Variants in GCNA observed in about 807,000 individuals in gnomAD.
GCNA encodes germ cell nuclear acidic protein.
GCNA carries 3 observed loss-of-function variants against 38.8 expected under a neutral mutation model. The observed-to-expected ratio is 0.08, with a 90% confidence interval of 0.04 to 0.20. The LOEUF (loss-of-function observed/expected upper bound fraction) is 0.20, where lower values mean the gene tolerates loss of function less well. Among genes scored for constraint, GCNA ranks in the 10% least tolerant of loss-of-function variants. The probability of loss-of-function intolerance (pLI) is 1.00; values close to 1 mark genes in which losing one functional copy is unlikely to be tolerated. For synonymous variants in GCNA, 195 were observed against 240.2 expected (o/e 0.81, Z 1.74); for missense variants, 446 against 578.6 (o/e 0.77, Z 2.35).
At chrX:71,583,352 C>T (rs2040560378) in intron 2 of GCNA, among the ~76,000 whole-genome samples, 1 of 110,620 alleles carries the variant, frequency 9.0e-6, no homozygotes, top group South Asian at 3.8e-4. Context: ...TGGGGTGGCT[C>T]ACGCCTGTAA....
chrX:71,580,737 G>A, intron 1 of GCNA, 83 bp from the exon 2 acceptor site: 2 of 942,602 alleles, frequency 2.1e-6, no homozygotes, highest in Non-Finnish European at 3.0e-6. Flanking sequence ...GCCTCCCAAA[G>A]TGCTGGGATT....
chrX:71,594,503 G>A (rs750862885), intron 5 of GCNA, 126 bp downstream of exon 5: 15 of 524,223 alleles, frequency 2.9e-5, no homozygotes, highest in East Asian at 2.2e-4. Context: ...TCTTTAGGTC[G>A]GTGAAATGAA....
chrX:71,579,106 C>T (rs1484469427), intron 1 of GCNA, among the ~76,000 whole-genome samples: 1 of 103,949 alleles, frequency 9.6e-6, no homozygotes. Context: ...CGTGTGGTGG[C>T]GCCAGTGGCT....
At position 71,612,873 on chromosome X, in the gene GCNA, A is replaced by G; in HGVS notation, c.1967A>G (p.Tyr656Cys). 4 of 1,210,753 alleles carry G rather than the reference A, an allele frequency of 3.3e-6. No homozygotes were observed. Among genetic ancestry groups the G allele is most frequent in the Non-Finnish European group, 4.5e-6 (4 of 895,133 alleles). Reference sequence around the variant, plus strand: ...CCATTCCTTCCCAGGATTGGCTGCTACACCAAATCGTTGGACACCAGCCGC... The same window carrying G: ...CCATTCCTTCCCAGGATTGGCTGCTGCACCAAATCGTTGGACACCAGCCGC... ...CTGCKTRIGC[Y>C]TKSLDTSRFI... Residue 656 changes from tyrosine to cysteine, a missense_variant, in exon 13 of 13, where the codon TAC becomes TGC. Tyr to Cys is a radical substitution (Grantham distance 194). Around this residue, in one of 7 missense-constraint regions of GCNA, gnomAD observed 34 missense variants for 33.2 expected, o/e 1.02. Transcript: ENST00000373696.
At chrX:71,600,115 G>A (rs765151937) in intron 7 of GCNA, among the ~76,000 whole-genome samples, 28 of 111,667 alleles carry the variant, frequency 2.5e-4, no homozygotes, top group Non-Finnish European at 5.1e-4. Flanking sequence ...AAGAGTGTGT[G>A]GCGTCAGACA....
chrX:71,612,705 G>A (rs934104208), intron 12 of GCNA, 146 bp downstream of exon 12: 17 of 937,559 alleles, frequency 1.8e-5, no homozygotes, highest in South Asian at 2.5e-5. Flanking sequence ...TTTCTCTTCC[G>A]TAATTTGAGC....
intron 7 of GCNA, 121 bp downstream of exon 7, chrX:71,598,159 G>A: frequency 4.0e-6 from 2 of 497,228 alleles, no homozygotes; most frequent in Non-Finnish European, 3.4e-6. Flanking sequence ...GAGTGCCACC[G>A]TTTCTTTCCT....
At chrX:71,604,773 C>A in intron 8 of GCNA, 97 bp downstream of exon 8, 1 of 1,104,317 alleles carries the variant, frequency 9.1e-7, no homozygotes. Context: ...CCTTTCAACC[C>A]TGTGCCATTT....
chrX:71,600,551 T>C (rs1201809210), intron 7 of GCNA, among the ~76,000 whole-genome samples: 1 of 112,156 alleles, frequency 8.9e-6, no homozygotes, highest in Non-Finnish European at 1.9e-5. Flanking sequence ...AAGCAACTAC[T>C]GTATCTTGCT....
At chrX:71,581,259 T>C (rs1436883754) in intron 2 of GCNA, among the ~76,000 whole-genome samples, 1 of 110,210 alleles carries the variant, frequency 9.1e-6, no homozygotes, top group Non-Finnish European at 1.9e-5. Flanking sequence ...ACAAGGTGTT[T>C]TTGTTTTAAA....
In GCNA at chrX:71,604,648, G is replaced by A. The variant is rs754270821; in HGVS notation, c.1371G>A (p.Ala457=). 19 of 1,206,121 alleles carry A rather than the reference G, an allele frequency of 1.6e-5. No homozygotes were observed. The highest frequency in any genetic ancestry group is 5.3e-5 in the African/African-American group (3 of 57,125). The change falls in exon 8 of 13, where the codon GCG becomes GCA. Residue 457 remains alanine, a synonymous_variant. Coordinates refer to ENST00000373696, the MANE Select transcript of GCNA (RefSeq NM_052957.5). ...NIVEPLRKRK[A]KTKNVSVTPG... ...TGGAGCCACTGAGGAAGAGGAAGGCGAAAACCAAAAATGTATCTGTGACAC... is the reference window on the plus strand; with the variant it reads ...TGGAGCCACTGAGGAAGAGGAAGGCAAAAACCAAAAATGTATCTGTGACAC...
chrX:71,590,894 G>T (rs2040622834), intron 2 of GCNA, among the ~76,000 whole-genome samples: 1 of 110,768 alleles, frequency 9.0e-6, no homozygotes, highest in Non-Finnish European at 1.9e-5. Context: ...TGTTGGTCAG[G>T]CTGATCTTGA....
Position 71,598,494 on chromosome X carries a change from G to A in GCNA, c.310+456G>A, listed in dbSNP as rs1002302565. On this transcript the variant is annotated intron_variant, in intron 7 of 12. Coordinates refer to ENST00000373696, the MANE Select transcript of GCNA (RefSeq NM_052957.5). ...GTTATGGGCCAGCTGGCAGTGTCGT[G>A]TTGAGAAAACTCTTTTTCCATTGAG... Among the ~76,000 whole-genome samples, 6 of 111,750 alleles carry A rather than the reference G, an allele frequency of 5.4e-5. No individual in the cohort carries two copies. In the East Asian group the frequency reaches 1.1e-3, roughly 21 times the overall value.
At chrX:71,596,211 CAATAAATA>C (rs111616995) in intron 6 of GCNA, among the ~76,000 whole-genome samples, 1 of 111,023 alleles carries the variant, frequency 9.0e-6, no homozygotes, top group African/African-American at 3.3e-5. Context: ...GAGACTCTCT[CAATAAATA>C]AATAAATAAA....
intron 7 of GCNA, among the ~76,000 whole-genome samples, chrX:71,600,394 A>T (rs115652330): frequency 0.01 from 1,147 of 112,363 alleles, 15 homozygotes; most frequent in African/African-American, 0.036. Flanking sequence ...TAACCAAGAC[A>T]TAATCACAAA....
Position 71,609,051 on chromosome X carries a change from G to A in GCNA, c.1545G>A (p.Lys515=). The change falls in exon 10 of 13, where the codon AAG becomes AAA. Residue 515 remains lysine (K), a synonymous_variant. Transcript: ENST00000373696. ...KSKKYSGKNL[K]RNKDELVQRI... Reference sequence around the variant, plus strand: ...AGAAATACTCTGGAAAAAATTTAAAGCGAAATAAGGATGAATTGGTTCAGA... The same window carrying A: ...AGAAATACTCTGGAAAAAATTTAAAACGAAATAAGGATGAATTGGTTCAGA... The A allele has an allele frequency of 3.3e-6, 4 of 1,211,311 alleles. No individual in the cohort carries two copies. Among genetic ancestry groups the A allele is most frequent in the Non-Finnish European group, 4.5e-6 (4 of 895,195 alleles).
At chrX:71,590,996 T>C (rs1005314143) in intron 2 of GCNA, among the ~76,000 whole-genome samples, 27 of 111,911 alleles carry the variant, frequency 2.4e-4, no homozygotes, top group South Asian at 7.6e-4. Context: ...GTCTAACTTT[T>C]AATATGTAGA....
intron 2 of GCNA, among the ~76,000 whole-genome samples, chrX:71,582,532 A>G (rs1266187363): frequency 1.8e-5 from 2 of 111,232 alleles, no homozygotes; most frequent in African/African-American, 6.5e-5. Context: ...GGGAGTATAT[A>G]TTTGGTACAA....
chrX:71,595,135 C>G (rs1229693070), intron 6 of GCNA, among the ~76,000 whole-genome samples: 1 of 111,765 alleles, frequency 8.9e-6, no homozygotes, highest in Non-Finnish European at 1.9e-5. Flanking sequence ...GAGTCTTGCT[C>G]GACCAGGTTC....
Sources: allele counts gnomAD v4.1 joint callset (sites outside exome capture counted in the v4.1 genomes callset), GRCh38; gene constraint gnomAD v4.1.1; regional missense constraint gnomAD v4.1.1; transcripts MANE v1.5; gene names NCBI Gene and HGNC (gene_info 2026-07-23, HGNC 2026-07-21).